Variants in ESRRG observed in about 807,000 individuals in gnomAD.
ESRRG encodes the protein estrogen related receptor gamma.
A neutral mutation model predicts 44.0 loss-of-function variants in ESRRG; 13 were observed. The ratio of observed to expected loss-of-function variants is 0.30; its 90% CI spans 0.19 to 0.47. The LOEUF is 0.47. Among genes scored for constraint, ESRRG ranks in the 20% least tolerant of loss-of-function variants. The probability of loss-of-function intolerance (pLI) is 1.00; values close to 1 mark genes in which losing one functional copy is unlikely to be tolerated. For synonymous variants in ESRRG, 215 were observed against 214.6 expected (o/e 1.00, Z -0.02); for missense variants, 395 against 580.6 (o/e 0.68, Z 3.29).
At chr1:217,137,506 A>G (rs1042649902) in intron 1 of ESRRG, among the ~76,000 whole-genome samples, 3 of 152,284 alleles carry the variant, frequency 2.0e-5, no homozygotes, top group South Asian at 2.1e-4. Context: ...GAGCTGACGG[A>G]CTGCCCTTTC....
At chr1:216,784,783 T>C (rs1446324041) in intron 2 of ESRRG, among the ~76,000 whole-genome samples, 2 of 152,084 alleles carry the variant, frequency 1.3e-5, no homozygotes, top group Non-Finnish European at 2.9e-5. Flanking sequence ...GTCTCTGTGT[T>C]ATTAGTTCAT....
intron 1 of ESRRG, among the ~76,000 whole-genome samples, chr1:216,962,051 TAAAG>T (rs145793520): frequency 0.51 from 78,130 of 151,710 alleles, 21,815 homozygotes; most frequent in Middle Eastern, 0.7. Context: ...GTTACAGCCA[TAAAG>T]AAAGAAAAAT....
chr1:217,116,259 T>C (rs1243329515), intron 1 of ESRRG, among the ~76,000 whole-genome samples: 3 of 152,194 alleles, frequency 2.0e-5, no homozygotes, highest in Non-Finnish European at 4.4e-5. Context: ...TAACAGTGAT[T>C]GCTGACAGGT....
chr1:216,934,128 C>T (rs972462328), intron 2 of ESRRG, among the ~76,000 whole-genome samples: 3 of 152,102 alleles, frequency 2.0e-5, no homozygotes, highest in East Asian at 1.9e-4. Context: ...TCTGTTCTCA[C>T]GCTGCTGATA....
chr1:216,674,691 C>A (rs909251035), intron 2 of ESRRG, among the ~76,000 whole-genome samples: 1 of 147,334 alleles, frequency 6.8e-6, no homozygotes, highest in Non-Finnish European at 1.5e-5. Flanking sequence ...CTCACTGCAA[C>A]CTCCAATTCC....
At chr1:216,820,830 A>C (rs932605608) in intron 2 of ESRRG, among the ~76,000 whole-genome samples, 7 of 152,200 alleles carry the variant, frequency 4.6e-5, no homozygotes, top group Non-Finnish European at 1.0e-4. Flanking sequence ...CTAACCTTTA[A>C]ATTCTATACC....
At chr1:216,710,979 C>G (rs2083472542) in intron 1 of ESRRG, among the ~76,000 whole-genome samples, 1 of 152,164 alleles carries the variant, frequency 6.6e-6, no homozygotes, top group African/African-American at 2.4e-5. Context: ...CCACCCTTCT[C>G]GTTGAAACAA....
At chr1:216,707,387 C>T (rs1307621482) in intron 1 of ESRRG, 15 of 1,535,876 alleles carry the variant, frequency 9.8e-6, no homozygotes, top group Non-Finnish European at 1.3e-5. Flanking sequence ...CAGGCCAGAT[C>T]AGACTTGACT....
intron 3 of ESRRG, among the ~76,000 whole-genome samples, chr1:216,648,943 A>G (rs1310078148): frequency 6.6e-6 from 1 of 152,178 alleles, no homozygotes; most frequent in Non-Finnish European, 1.5e-5. Context: ...AATTAAGGCC[A>G]GAAATTGACT....
intron 2 of ESRRG, chr1:216,864,333 G>GAAAAAAA (rs200786864): frequency 1.6e-5 from 2 of 126,634 alleles, no homozygotes; most frequent in African/African-American, 2.7e-5. Flanking sequence ...CAACAAGTCA[G>GAAAAAAA]AAAAAAAAAA....
At chr1:216,584,454 C>T (rs1318217829) in intron 3 of ESRRG, among the ~76,000 whole-genome samples, 1 of 152,038 alleles carries the variant, frequency 6.6e-6, no homozygotes, top group Non-Finnish European at 1.5e-5. Context: ...GACGGGGTTT[C>T]ACCGTGTTGG....
chr1:216,513,054 C>T (rs1401636152), intron 6 of ESRRG, among the ~76,000 whole-genome samples: 1 of 152,050 alleles, frequency 6.6e-6, no homozygotes, highest in Non-Finnish European at 1.5e-5. Flanking sequence ...TGAAACTGAT[C>T]GACGTTTGAC....
At chr1:216,870,517 C>T (rs1263971104) in intron 2 of ESRRG, among the ~76,000 whole-genome samples, 5 of 151,748 alleles carry the variant, frequency 3.3e-5, no homozygotes, top group South Asian at 2.1e-4. Flanking sequence ...CTTCTGGCCT[C>T]GTAAAATGAA....
chr1:216,806,595 C>T (rs1251094714), intron 2 of ESRRG, among the ~76,000 whole-genome samples: 1 of 152,168 alleles, frequency 6.6e-6, no homozygotes, highest in Admixed American at 6.6e-5. Context: ...TACCCAGCTG[C>T]AAGGTCAGGC....
rs563075512 is a variant in ESRRG at position 216,637,978 on chromosome 1, C to T, written c.589+12995G>A. On this transcript the variant is annotated intron_variant, in intron 3 of 6. Transcript: ENST00000408911. The stretch of plus-strand genomic sequence containing the variant: ...TTCCTGCACCCAAATTACAAAAATG[C>T]AACTGAAAAGTATACTGAAGTATGA... 4.0e-5 allele frequency among the ~76,000 whole-genome samples: 6 copies of T among 151,732 alleles called. No homozygotes were observed. In the East Asian group the frequency reaches 1.2e-3, roughly 29 times the overall value.
At chr1:217,058,337 TCAAA>T (rs2087586042) in intron 1 of ESRRG, among the ~76,000 whole-genome samples, 1 of 152,182 alleles carries the variant, frequency 6.6e-6, no homozygotes, top group African/African-American at 2.4e-5. Context: ...TATGAAGGAC[TCAAA>T]CAAATTGTTA....
chr1:216,652,506 T>C (rs1024291531), intron 2 of ESRRG, among the ~76,000 whole-genome samples: 2 of 152,144 alleles, frequency 1.3e-5, no homozygotes, highest in Non-Finnish European at 2.9e-5. Context: ...AAACACATTA[T>C]AGTTTGAGAT....
chr1:216,799,442 A>T lies in ESRRG; in HGVS notation c.-13-121951T>A, dbSNP rs1576673375. ...TTTTGATTCCTCAGGATAGGAGGTG[A>T]CGATTATAATCACTCAAGCAGGGAG... On this transcript the variant is annotated intron_variant, in intron 2 of 7. Transcript: ENST00000359162. 2.0e-5 allele frequency among the ~76,000 whole-genome samples: 3 copies of T among 151,470 alleles called. No individual in the cohort carries two copies. In the South Asian group the frequency reaches 6.3e-4, roughly 32 times the overall value.
In ESRRG at chr1:217,130,500, A is replaced by G. The variant is rs112817859; in HGVS notation, c.-230+7167T>C. On this transcript the variant is annotated intron_variant, in intron 1 of 8. Coordinates refer to the ESRRG transcript ENST00000366940. ...ATTCTCTCTCCTGGGCCTCCCAAAG[A>G]GCTGGGACTGCAGGTGTGAGCCACT... is the stretch of plus-strand genomic sequence containing the variant. Among the ~76,000 whole-genome samples, 465 of 152,226 alleles carry G rather than the reference A, an allele frequency of 3.1e-3. 5 individuals are homozygous for G. The highest frequency in any genetic ancestry group is 0.011 in the African/African-American group (439 of 41,518).
Sources: gnomAD v4.1 joint callset for allele counts (sites outside exome capture counted in the v4.1 genomes callset) on GRCh38, gnomAD v4.1.1 for gene constraint, MANE v1.5 for transcripts, NCBI Gene and HGNC (gene_info 2026-07-23, HGNC 2026-07-21) for gene names.